Variants in TFPI observed in about 807,000 individuals in gnomAD.
TFPI encodes the protein anti-convertin.
A neutral mutation model predicts 34.6 loss-of-function variants in TFPI; 15 were observed. The ratio of observed to expected loss-of-function variants is 0.43; its 90% CI spans 0.29 to 0.67. TFPI has a LOEUF of 0.67. Ranked by LOEUF, TFPI falls within the 30% of genes least tolerant of loss-of-function variation. The pLI is 0.15. For missense variants in TFPI, 301 were observed against 364.0 expected (o/e 0.83, Z 1.41); for synonymous variants, 105 against 120.1 (o/e 0.87, Z 0.82).
chr2:187,493,847 C>T (rs781315588), intron 3 of TFPI, among the ~76,000 whole-genome samples: 1 of 152,140 alleles, frequency 6.6e-6, no homozygotes, highest in Non-Finnish European at 1.5e-5. Context: ...TGGACCTTAT[C>T]GTTCATATCA....
At chr2:187,478,924 A>G in intron 6 of TFPI, 2 of 734,022 alleles carry the variant, frequency 2.7e-6, no homozygotes, top group South Asian at 4.1e-5. Flanking sequence ...TTTTCTTCAA[A>G]AAAATCTTGT....
intron 6 of TFPI, among the ~76,000 whole-genome samples, chr2:187,468,287 A>AT (rs1195442459): frequency 1.3e-5 from 2 of 151,332 alleles, no homozygotes; most frequent in African/African-American, 2.4e-5. Flanking sequence ...ACACACACAC[A>AT]CACATCACAC....
At chr2:187,499,923 C>A (rs554716267) in intron 2 of TFPI, among the ~76,000 whole-genome samples, 83 of 152,192 alleles carry the variant, frequency 5.5e-4, no homozygotes, top group African/African-American at 1.9e-3. Context: ...ACACAGGGAA[C>A]TTTACCTAAT....
At chr2:187,490,343 T>A (rs764646506) in intron 3 of TFPI, among the ~76,000 whole-genome samples, 1 of 151,722 alleles carries the variant, frequency 6.6e-6, no homozygotes, top group East Asian at 1.9e-4. Flanking sequence ...TCTTGAAGTA[T>A]GTAAACTGAA....
At chr2:187,483,132 G>A (rs1693000030) in intron 6 of TFPI, among the ~76,000 whole-genome samples, 1 of 151,880 alleles carries the variant, frequency 6.6e-6, no homozygotes, top group South Asian at 2.1e-4. Context: ...TTTTGTTTGC[G>A]TTCTGTTGGC....
At position 187,484,745 on chromosome 2, in the gene TFPI, C is replaced by A. The variant is rs926790880; in HGVS notation, c.535+66G>T. 6.9e-6 allele frequency: 10 copies of A among 1,444,964 alleles called. No individual in the cohort carries two copies. In the African/African-American group the frequency reaches 1.3e-4, roughly 19 times the overall value. The allele number at this position is 1,444,964 out of a possible 1,614,324, so 89.5% of individuals were successfully genotyped here. On this transcript the variant is annotated intron_variant, in intron 5 of 7. Coordinates refer to ENST00000233156, the MANE Select transcript of TFPI (RefSeq NM_006287.6). ...ACAAAACCTGAGTATAGAATGCCAT[C>A]TGAGATGCCTTAGTTTTAAAAGGAT...
chr2:187,490,633 A>G (rs1009346968), intron 3 of TFPI, among the ~76,000 whole-genome samples: 12 of 151,546 alleles, frequency 7.9e-5, no homozygotes, highest in African/African-American at 2.7e-4. Context: ...TATAGACAAC[A>G]TGTAGTTAGT....
rs549607891 is a variant in TFPI at position 187,531,994 on chromosome 2, T to C, written c.-3+22206A>G. On this transcript the variant is annotated intron_variant, in intron 1 of 7. Transcript: ENST00000233156. ...ATATTTAACTAACTGTTCTATTCTT[T>C]TAGTATTTAAAATATTAAAACTGTC... Among the ~76,000 whole-genome samples the C allele has an allele frequency of 8.5e-5, 13 of 152,288 alleles. No individual in the cohort carries two copies. In the South Asian group the frequency reaches 2.5e-3, roughly 29 times the overall value.
At chr2:187,545,882 C>T (rs1249429022) in intron 1 of TFPI, among the ~76,000 whole-genome samples, 1 of 151,642 alleles carries the variant, frequency 6.6e-6, no homozygotes, top group Non-Finnish European at 1.5e-5. Flanking sequence ...TTTTCTCCTA[C>T]CAAATAACAG....
At chr2:187,548,327 GT>G (rs1026035797) in intron 1 of TFPI, among the ~76,000 whole-genome samples, 40 of 151,996 alleles carry the variant, frequency 2.6e-4, no homozygotes, top group Non-Finnish European at 1.0e-4. Flanking sequence ...AAATATTTGT[GT>G]TGTCTTCTTC....
intron 1 of TFPI, among the ~76,000 whole-genome samples, chr2:187,552,510 A>G (rs532846735): frequency 5.5e-4 from 83 of 152,182 alleles, no homozygotes; most frequent in Middle Eastern, 6.8e-3. Flanking sequence ...GATTTAAGTC[A>G]AAATAGTTGT....
chr2:187,533,465 C>T (rs527666047), intron 1 of TFPI, among the ~76,000 whole-genome samples: 6 of 151,692 alleles, frequency 4.0e-5, no homozygotes, highest in Admixed American at 6.5e-5. Flanking sequence ...AGACCTGCAG[C>T]GGAGGGACCT....
In TFPI at chr2:187,554,269, C is replaced by G. The variant is rs1325958064; in HGVS notation, c.-72G>C. On this transcript the variant is annotated 5_prime_UTR_variant, in exon 1 of 8. Coordinates refer to ENST00000233156, the MANE Select transcript of TFPI (RefSeq NM_006287.6). ...CGGAGTTGAGGTTATTTTGTTTTTC[C>G]TTCCAGGTATTGAAGACAGGATTTA... 2.0e-5 allele frequency: 3 copies of G among 152,024 alleles called. No homozygotes were observed. In the South Asian group the frequency reaches 6.2e-4, roughly 32 times the overall value. The allele number at this position is 152,024 out of a possible 1,614,324, so 9.4% of individuals were successfully genotyped here.
chr2:187,538,906 A>G (rs1688414325), intron 1 of TFPI, among the ~76,000 whole-genome samples: 1 of 152,142 alleles, frequency 6.6e-6, no homozygotes, highest in Non-Finnish European at 1.5e-5. Context: ...ATATTTCAAA[A>G]CTTTGAAAGT....
At chr2:187,550,783 G>A (rs1689068474) in intron 1 of TFPI, among the ~76,000 whole-genome samples, 1 of 151,964 alleles carries the variant, frequency 6.6e-6, no homozygotes, top group Non-Finnish European at 1.5e-5. Context: ...TTCCTAAATG[G>A]ACTTTAAAAT....
intron 1 of TFPI, among the ~76,000 whole-genome samples, chr2:187,545,977 G>A (rs957950515): frequency 9.2e-5 from 14 of 152,130 alleles, no homozygotes; most frequent in African/African-American, 2.9e-4. Context: ...TAAGGGGGAA[G>A]GGGGAGAAGA....
rs1477825624 is a variant in TFPI at position 187,466,025 on chromosome 2, A to G, written c.*911T>C. The G allele has an allele frequency of 6.6e-6, 1 of 152,238 alleles. No homozygotes were observed. The highest frequency in any genetic ancestry group is 1.5e-5 in the Non-Finnish European group (1 of 68,044). 9.4% of individuals were successfully genotyped at this position (152,238 alleles called of 1,614,324 possible). A position where few individuals can be genotyped will look rare whatever the true frequency, so the allele number is the denominator to read the frequency against. On this transcript the variant is annotated 3_prime_UTR_variant, in exon 8 of 8. Coordinates refer to ENST00000233156, the MANE Select transcript of TFPI (RefSeq NM_006287.6). ...GCTGATAATTTTCTCTTCAACAGAA[A>G]TAACCTACTTTTTAAAGCATGAATT...
intron 1 of TFPI, among the ~76,000 whole-genome samples, chr2:187,506,708 T>A (rs1048241439): frequency 6.6e-6 from 1 of 152,116 alleles, no homozygotes; most frequent in Non-Finnish European, 1.5e-5. Flanking sequence ...ATGTTTTTAC[T>A]CATAATTAGA....
At chr2:187,523,286 C>CT (rs1163129042) in intron 1 of TFPI, among the ~76,000 whole-genome samples, 1 of 152,134 alleles carries the variant, frequency 6.6e-6, no homozygotes, top group African/African-American at 2.4e-5. Context: ...TGAAACTCAA[C>CT]TATCACTATC....
Sources: gnomAD v4.1 joint callset for allele counts (sites outside exome capture counted in the v4.1 genomes callset) on GRCh38, gnomAD v4.1.1 for gene constraint, MANE v1.5 for transcripts, NCBI Gene and HGNC (gene_info 2026-07-23, HGNC 2026-07-21) for gene names.